OXCT1: variants seen among roughly 807,000 people sequenced by gnomAD.
The protein encoded by OXCT1 is succinyl-CoA:3-ketoacid coenzyme A transferase 1, mitochondrial.
Under a neutral mutation model 69.6 loss-of-function variants are expected in OXCT1, and 27 were observed. The ratio of observed to expected loss-of-function variants is 0.39; its 90% confidence interval spans 0.29 to 0.54. The LOEUF (loss-of-function observed/expected upper bound fraction) is 0.54. Ranked by LOEUF, OXCT1 falls within the 20% of genes least tolerant of loss-of-function variation. The pLI is 0.72. For missense variants in OXCT1, 437 were observed against 650.2 expected (o/e 0.67, Z 3.57); for synonymous variants, 202 against 217.8 (o/e 0.93, Z 0.64).
chr5:41,761,208 G>A (rs927020667), intron 14 of OXCT1, among the ~76,000 whole-genome samples: 2 of 152,092 alleles, frequency 1.3e-5, no homozygotes, highest in South Asian at 2.1e-4. Flanking sequence ...ACTGAGTCAG[G>A]AACAAGGAAG....
At chr5:41,860,704 A>T (rs1749689454) in intron 3 of OXCT1, among the ~76,000 whole-genome samples, 1 of 152,206 alleles carries the variant, frequency 6.6e-6, no homozygotes, top group African/African-American at 2.4e-5. Flanking sequence ...AAATAAAAAT[A>T]TGGCTTTTCC....
intron 13 of OXCT1, among the ~76,000 whole-genome samples, chr5:41,777,051 T>C (rs1745157270): frequency 6.6e-6 from 1 of 152,206 alleles, no homozygotes. Context: ...GAACATATTT[T>C]AATCAACTCA....
chr5:41,870,332 G>T lies in OXCT1; in HGVS notation c.27C>A (p.Ser9=). MAALKLLS[S]GLRLCASARG... ...GGGCAGAGGCGCAGAGCCGAAGCCC[G>T]GAGGAGAGGAGTTTGAGAGCCGCCA... is the stretch of plus-strand genomic sequence containing the variant. The change falls in exon 1 of 17, where the codon TCC becomes TCA. Residue 9 remains serine, a synonymous_variant. Coordinates refer to ENST00000196371, the MANE Select transcript of OXCT1 (RefSeq NM_000436.4). This position sits in a 1 kb window ranked among gnomAD's most constrained non-coding sequence, Gnocchi z 4.2. 6.2e-7 allele frequency: 1 copy of T among 1,613,814 alleles called. No homozygotes were observed. The highest frequency in any genetic ancestry group is 8.5e-7 in the Non-Finnish European group (1 of 1,179,884).
At chr5:41,836,107 C>G (rs1240119233) in intron 7 of OXCT1, among the ~76,000 whole-genome samples, 1 of 152,170 alleles carries the variant, frequency 6.6e-6, no homozygotes, top group Admixed American at 6.5e-5. Context: ...CTCAAGAGTC[C>G]TTGCTACTCC....
intron 5 of OXCT1, among the ~76,000 whole-genome samples, chr5:41,849,531 C>T (rs1749083248): frequency 6.6e-6 from 1 of 152,150 alleles, no homozygotes; most frequent in East Asian, 1.9e-4. Context: ...ATCAAAAGCT[C>T]AAATGTGTCC....
intron 14 of OXCT1, among the ~76,000 whole-genome samples, chr5:41,759,805 C>T (rs944260502): frequency 2.6e-5 from 4 of 152,012 alleles, no homozygotes; most frequent in African/African-American, 9.7e-5. Flanking sequence ...ATAGCTCTAT[C>T]CACTTACAGA....
At chr5:41,847,783 G>A (rs1348761058) in intron 5 of OXCT1, among the ~76,000 whole-genome samples, 1 of 151,940 alleles carries the variant, frequency 6.6e-6, no homozygotes, top group Non-Finnish European at 1.5e-5. Flanking sequence ...CATATCTCAA[G>A]ATAATAAGAG....
At chr5:41,809,023 T>G (rs1286067479) in intron 7 of OXCT1, among the ~76,000 whole-genome samples, 2 of 152,060 alleles carry the variant, frequency 1.3e-5, no homozygotes, top group African/African-American at 4.8e-5. Context: ...AGGGAAATGG[T>G]CAAATAAACA....
At chr5:41,775,421 C>T (rs1412635203) in intron 13 of OXCT1, among the ~76,000 whole-genome samples, 2 of 151,904 alleles carry the variant, frequency 1.3e-5, no homozygotes, top group Non-Finnish European at 2.9e-5. Flanking sequence ...AAGGAATGGC[C>T]CAATGGAAGA....
At chr5:41,794,645 T>C (rs756580549) in intron 12 of OXCT1, 32 bp downstream of exon 12, 6 of 1,592,484 alleles carry the variant, frequency 3.8e-6, no homozygotes, top group Non-Finnish European at 5.2e-6. Context: ...TTCCATACTG[T>C]CTGAAACATG....
At chr5:41,853,397 A>C in intron 4 of OXCT1, 22 bp downstream of exon 4, 1 of 1,609,266 alleles carries the variant, frequency 6.2e-7, no homozygotes, top group Non-Finnish European at 8.5e-7. Flanking sequence ...TAGTATTATA[A>C]AAGAAAAGCA....
intron 13 of OXCT1, among the ~76,000 whole-genome samples, chr5:41,768,670 C>T (rs1253931363): frequency 2.6e-5 from 4 of 152,140 alleles, no homozygotes; most frequent in African/African-American, 9.7e-5. Flanking sequence ...TTGAGCTTGA[C>T]CTTTTCTCAT....
At chr5:41,769,756 T>C (rs554113559) in intron 13 of OXCT1, among the ~76,000 whole-genome samples, 16 of 152,116 alleles carry the variant, frequency 1.1e-4, no homozygotes, top group African/African-American at 3.6e-4. Flanking sequence ...AGATGTAGGA[T>C]ATCATCTTGC....
chr5:41,750,135 GTT>G (rs11291155), intron 14 of OXCT1, among the ~76,000 whole-genome samples: 1,504 of 73,908 alleles, frequency 0.02, 17 homozygotes, highest in South Asian at 0.079. Flanking sequence ...GTGTTTTTTG[GTT>G]TTTTTTTTTT....
intron 5 of OXCT1, among the ~76,000 whole-genome samples, chr5:41,846,886 T>C (rs1407270872): frequency 1.3e-5 from 2 of 152,210 alleles, no homozygotes; most frequent in Non-Finnish European, 2.9e-5. Context: ...TGGCCAGTGA[T>C]GGTGAGCATT....
chr5:41,853,974 G>A (rs925208016), intron 3 of OXCT1, among the ~76,000 whole-genome samples: 1 of 152,172 alleles, frequency 6.6e-6, no homozygotes, highest in South Asian at 2.1e-4. Flanking sequence ...CATAAATGCA[G>A]TGACAATATA....
At chr5:41,827,269 A>G (rs1747854071) in intron 7 of OXCT1, among the ~76,000 whole-genome samples, 1 of 152,184 alleles carries the variant, frequency 6.6e-6, no homozygotes, top group African/African-American at 2.4e-5. Context: ...CCAGAAATAA[A>G]GCCTCGATAT....
intron 15 of OXCT1, among the ~76,000 whole-genome samples, chr5:41,741,254 C>A (rs1743152090): frequency 6.6e-6 from 1 of 152,068 alleles, no homozygotes; most frequent in African/African-American, 2.4e-5. Flanking sequence ...CACCGCTTAA[C>A]CAATTTTTCA....
chr5:41,781,097 G>A (rs1745379203), intron 13 of OXCT1, among the ~76,000 whole-genome samples: 1 of 151,940 alleles, frequency 6.6e-6, no homozygotes, highest in Non-Finnish European at 1.5e-5. Context: ...TAGAGACGGG[G>A]TTTCACCATG....
Sources: gnomAD v4.1 joint callset for allele counts (sites outside exome capture counted in the v4.1 genomes callset) on GRCh38, gnomAD v4.1.1 for gene constraint, Gnocchi (gnomAD v3.1) non-coding constraint, MANE v1.5 for transcripts, NCBI Gene and HGNC (gene_info 2026-07-23, HGNC 2026-07-21) for gene names.